Variants in SDE2 observed in about 807,000 individuals in gnomAD.
SDE2 encodes the protein spliceosome associated SDE2.
Under a neutral mutation model 46.9 loss-of-function variants are expected in SDE2, and 31 were observed. That is an observed-to-expected ratio of 0.66 (90% CI 0.50 to 0.89). The LOEUF (loss-of-function observed/expected upper bound fraction) is 0.89, where lower values mean the gene tolerates loss of function less well. SDE2 is among the 40% of genes least tolerant of loss of function. The probability of loss-of-function intolerance (pLI) is 0.00; values close to 1 mark genes in which losing one functional copy is unlikely to be tolerated. For missense variants in SDE2, 542 were observed against 564.4 expected (o/e 0.96, Z 0.40); for synonymous variants, 205 against 204.3 (o/e 1.00, Z -0.03).
Position 225,991,321 on chromosome 1 carries a change from C to G in SDE2, c.563G>C (p.Ser188Thr). The change falls in exon 5 of 7, where the codon AGT (serine) becomes ACT (threonine). Residue 188 changes from serine to threonine, a missense_variant. Physicochemically the swap from Ser to Thr is moderately conservative, Grantham distance 58. This residue lies in a region of SDE2 where 401 missense variants were observed against 437.8 expected (regional missense o/e 0.92). Coordinates refer to ENST00000272091, the MANE Select transcript of SDE2 (RefSeq NM_152608.4). ...AGGCCATTGCCGTTTCCGATTCTCA[C>G]TGATTTCTGCTGAAACCATCTTGCT... Reference protein sequence around the residue: ...ASSKMVSAEISENRKRQWPTK... With the variant: ...ASSKMVSAEITENRKRQWPTK... The G allele has an allele frequency of 6.2e-7, 1 of 1,613,986 alleles. No homozygotes were observed.
At chr1:225,986,037 A>T (rs949021653) in intron 6 of SDE2, among the ~76,000 whole-genome samples, 1 of 152,178 alleles carries the variant, frequency 6.6e-6, no homozygotes, top group Admixed American at 6.6e-5. Context: ...CTACCCACCA[A>T]GTGCCTTTAT....
intron 1 of SDE2, 61 bp downstream of exon 1, chr1:225,999,119 ACAGACCTACTCCG>A: frequency 8.0e-7 from 1 of 1,243,490 alleles, no homozygotes; most frequent in Non-Finnish European, 1.2e-6. Flanking sequence ...CCCGCCCCGG[ACAGACCTACTCCG>A]CACCCAGCGC....
Position 225,988,020 on chromosome 1 carries a change from GC to G in SDE2, c.1009del (p.Ala337LeufsTer3). 1 of 1,614,144 alleles carries G rather than the reference GC, an allele frequency of 6.2e-7. No homozygotes were observed. Among genetic ancestry groups the G allele is most frequent in the Non-Finnish European group, 8.5e-7 (1 of 1,180,018 alleles). On this transcript the variant is annotated frameshift_variant, in exon 6 of 7. Transcript: ENST00000272091. LOFTEE classifies it high-confidence loss of function. ...KEPIEEEPTGAGLNKDKETEE... is the reference protein window; with the variant it reads ...KEPIEEEPTGXGLNKDKETEE... ...TGTCTCTTTATCCTTATTCAGTCCA[GC>G]CCCAGTGGGCTCCTCTTCTATGGGT... is the stretch of plus-strand genomic sequence containing the variant.
rs1656163435 is a variant in SDE2, at chr1:225,982,958, T to C, written c.*2344A>G. 1 of 152,116 alleles carries C rather than the reference T, an allele frequency of 6.6e-6. No homozygotes were observed. Among genetic ancestry groups the C allele is most frequent in the Non-Finnish European group, 1.5e-5 (1 of 68,008 alleles). The allele number at this position is 152,116 out of a possible 1,614,324, so 9.4% of individuals were successfully genotyped here. A position where few individuals can be genotyped will look rare whatever the true frequency, so the allele number is the denominator to read the frequency against. On this transcript the variant is annotated 3_prime_UTR_variant, in exon 7 of 7. Transcript: ENST00000272091. ...AATTAAGAATGTATATTGTAATCAC[T>C]AGAACATCCAACTTAAAAAAATTAT...
In SDE2 at chr1:225,982,757, T is replaced by C. The variant is rs995186572; in HGVS notation, c.*2545A>G. ...TTCCTCTTAATTTCTTTAAAATACA[T>C]ATCATTATTTAAAGCAGAAATTGTA... is the stretch of plus-strand genomic sequence containing the variant. On this transcript the variant is annotated 3_prime_UTR_variant, in exon 7 of 7. Coordinates refer to ENST00000272091, the MANE Select transcript of SDE2 (RefSeq NM_152608.4). 2.6e-5 allele frequency: 4 copies of C among 152,116 alleles called. No individual in the cohort carries two copies. Among genetic ancestry groups the C allele is most frequent in the African/African-American group, 9.7e-5 (4 of 41,442 alleles). 9.4% of individuals were successfully genotyped at this position (152,116 alleles called of 1,614,324 possible). A position where few individuals can be genotyped will look rare whatever the true frequency, so the allele number is the denominator to read the frequency against.
Position 225,992,343 on chromosome 1 carries a change from G to C in SDE2, c.520+55C>G, listed in dbSNP as rs935863970. Reference sequence around the variant, plus strand: ...CTTTGTGCGTAGTGTAGAGCAGTCTGAACAGCTGGCTTCAGGGGTGCCAGC... The same window carrying C: ...CTTTGTGCGTAGTGTAGAGCAGTCTCAACAGCTGGCTTCAGGGGTGCCAGC... On this transcript the variant is annotated intron_variant, in intron 4 of 6. Coordinates refer to ENST00000272091, the MANE Select transcript of SDE2 (RefSeq NM_152608.4). The C allele has an allele frequency of 1.6e-5, 23 of 1,396,640 alleles. No individual in the cohort carries two copies. In the Admixed American group the frequency reaches 3.6e-4, roughly 22 times the overall value. 86.5% of individuals were successfully genotyped at this position (1,396,640 alleles called of 1,614,324 possible).
chr1:225,993,021 A>G lies in SDE2; in HGVS notation c.239-19T>C. On this transcript the variant is annotated intron_variant, in intron 2 of 6. Coordinates refer to ENST00000272091, the MANE Select transcript of SDE2 (RefSeq NM_152608.4). ...CCAAAACCTGAGCAGATGTATTTGG[A>G]GAAAGCAGGTTAAAATGTGTTCAAG... The G allele has an allele frequency of 1.4e-6, 2 of 1,411,940 alleles. No individual in the cohort carries two copies. The highest frequency in any genetic ancestry group is 2.0e-6 in the Non-Finnish European group (2 of 999,122). The allele number at this position is 1,411,940 out of a possible 1,614,324, so 87.5% of individuals were successfully genotyped here.
At chr1:225,993,613 A>G (rs911851538) in intron 2 of SDE2, among the ~76,000 whole-genome samples, 2 of 147,904 alleles carry the variant, frequency 1.4e-5, no homozygotes, top group Non-Finnish European at 3.0e-5. Flanking sequence ...CTCTGTCTCA[A>G]AAAAAAAAAA....
chr1:225,997,537 C>G (rs1004152138), intron 1 of SDE2, among the ~76,000 whole-genome samples: 7 of 152,130 alleles, frequency 4.6e-5, no homozygotes, highest in Admixed American at 4.6e-4. Flanking sequence ...TCAAATGATT[C>G]TTCTGCTTCA....
At position 225,982,928 on chromosome 1, in the gene SDE2, T is replaced by C. The variant is rs1485727817; in HGVS notation, c.*2374A>G. 6.6e-6 allele frequency: 1 copy of C among 152,110 alleles called. No individual in the cohort carries two copies. Among genetic ancestry groups the C allele is most frequent in the Non-Finnish European group, 1.5e-5 (1 of 68,004 alleles). The allele number at this position is 152,110 out of a possible 1,614,324, so 9.4% of individuals were successfully genotyped here. A position where few individuals can be genotyped will look rare whatever the true frequency, so the allele number is the denominator to read the frequency against. On this transcript the variant is annotated 3_prime_UTR_variant, in exon 7 of 7. Transcript: ENST00000272091. ...AGTGGCACATCAACTCTAGGTAGAC[T>C]GAAAAATTAAGAATGTATATTGTAA...
rs370933110 is a variant in SDE2, at chr1:225,995,648, C to CT, written c.121-266dup. On this transcript the variant is annotated intron_variant, in intron 1 of 6. Transcript: ENST00000272091. ...GTGACAACAAAAACTGCTTCTTCTT[C>CT]TCTGATAGGTAATCTGAGTCAAGGT... 8.6e-4 allele frequency among the ~76,000 whole-genome samples: 131 copies of CT among 152,300 alleles called. 1 individual carries two copies. Among genetic ancestry groups the CT allele is most frequent in the African/African-American group, 3.0e-3 (124 of 41,576 alleles).
At chr1:225,992,777 T>C in intron 3 of SDE2, 114 bp downstream of exon 3, 3 of 696,594 alleles carry the variant, frequency 4.3e-6, no homozygotes, top group Non-Finnish European at 7.4e-6. Flanking sequence ...ATAATAAATT[T>C]GGATGTAAAT....
intron 1 of SDE2, 79 bp downstream of exon 1, chr1:225,999,114 C>T: frequency 8.5e-7 from 1 of 1,178,550 alleles, no homozygotes; most frequent in South Asian, 1.3e-5. Context: ...GTACCCCCGC[C>T]CCGGACAGAC....
chr1:225,995,788 G>A (rs1576177801), intron 1 of SDE2, among the ~76,000 whole-genome samples: 1 of 152,222 alleles, frequency 6.6e-6, no homozygotes, highest in East Asian at 1.9e-4. Context: ...AAAAAGTGCA[G>A]GTAGGAATAA....
intron 5 of SDE2, 104 bp from the exon 6 acceptor site, chr1:225,988,492 A>G: frequency 9.2e-7 from 1 of 1,085,882 alleles, no homozygotes; most frequent in Non-Finnish European, 1.3e-6. Context: ...GGACTTTGGG[A>G]GGCCAAGGCA....
intron 1 of SDE2, among the ~76,000 whole-genome samples, chr1:225,998,841 G>A (rs1419663056): frequency 6.6e-6 from 1 of 152,190 alleles, no homozygotes; most frequent in Non-Finnish European, 1.5e-5. Flanking sequence ...CATAACCATA[G>A]TAAGAAGGTG....
chr1:225,994,060 T>C (rs1190827709), intron 2 of SDE2, among the ~76,000 whole-genome samples: 4 of 151,562 alleles, frequency 2.6e-5, no homozygotes, highest in Admixed American at 6.6e-5. Context: ...TGAGCCACCA[T>C]GCCTGGCCAC....
chr1:225,982,891 CATTTT>C lies in SDE2; in HGVS notation c.*2406_*2410del, dbSNP rs1364192701. 1 of 152,060 alleles carries C rather than the reference CATTTT, an allele frequency of 6.6e-6. No homozygotes were observed. Among genetic ancestry groups the C allele is most frequent in the Non-Finnish European group, 1.5e-5 (1 of 68,022 alleles). 9.4% of individuals were successfully genotyped at this position (152,060 alleles called of 1,614,324 possible). A position where few individuals can be genotyped will look rare whatever the true frequency, so the allele number is the denominator to read the frequency against. On this transcript the variant is annotated 3_prime_UTR_variant, in exon 7 of 7. Transcript: ENST00000272091. Reference sequence around the variant, plus strand: ...GATGTACATACTTACAAGATTTCTACATTTTATGTGAAGTGGCACATCAACTCTAG... The same window carrying C: ...GATGTACATACTTACAAGATTTCTACATGTGAAGTGGCACATCAACTCTAG...
rs116701520 is a variant in SDE2 at position 225,992,330 on chromosome 1, T to C, written c.520+68A>G. On this transcript the variant is annotated intron_variant, in intron 4 of 6. Coordinates refer to ENST00000272091, the MANE Select transcript of SDE2 (RefSeq NM_152608.4). ...CTTAAGAACTGCTCTTTGTGCGTAGTGTAGAGCAGTCTGAACAGCTGGCTT... is the reference window on the plus strand; with the variant it reads ...CTTAAGAACTGCTCTTTGTGCGTAGCGTAGAGCAGTCTGAACAGCTGGCTT... The C allele has an allele frequency of 1.6e-5, 18 of 1,138,776 alleles. No individual in the cohort carries two copies. The African/African-American group carries it at 2.1e-4, about 13-fold the overall frequency. The allele number at this position is 1,138,776 out of a possible 1,614,324, so 70.5% of individuals were successfully genotyped here.
Sources: gnomAD v4.1 joint callset for allele counts (sites outside exome capture counted in the v4.1 genomes callset) on GRCh38, gnomAD v4.1.1 for gene constraint, gnomAD v4.1.1 regional missense constraint, MANE v1.5 for transcripts, NCBI Gene and HGNC (gene_info 2026-07-23, HGNC 2026-07-21) for gene names.